CNOT11: variants seen among roughly 807,000 people sequenced by gnomAD.
The protein encoded by CNOT11 is CCR4-NOT transcription complex subunit 11.
CNOT11 carries 18 observed loss-of-function variants against 44.6 expected under a neutral mutation model. That is an observed-to-expected ratio of 0.40 (90% CI 0.28 to 0.60). The LOEUF is 0.60. Among genes scored for constraint, CNOT11 ranks in the 20% least tolerant of loss-of-function variants. The probability of loss-of-function intolerance (pLI) is 0.38; values close to 1 mark genes in which losing one functional copy is unlikely to be tolerated. For synonymous variants in CNOT11, 291 were observed against 270.9 expected, an observed-to-expected ratio of 1.07 and a Z score of -0.73; for missense variants, 513 against 677.0, an observed-to-expected ratio of 0.76 and a Z score of 2.69.
chr2:101,257,147 C>A (rs975648692), intron 1 of CNOT11, among the ~76,000 whole-genome samples: 4 of 151,958 alleles, frequency 2.6e-5, no homozygotes, highest in African/African-American at 9.7e-5. Flanking sequence ...AATCCCAGCA[C>A]TTTGGGAGGC....
At chr2:101,255,396 G>A (rs1681716289) in intron 1 of CNOT11, among the ~76,000 whole-genome samples, 1 of 152,154 alleles carries the variant, frequency 6.6e-6, no homozygotes, top group Non-Finnish European at 1.5e-5. Context: ...TTGGGAGGCT[G>A]AGGCAGGAGA....
chr2:101,253,498 G>C lies in CNOT11; in HGVS notation c.514+20G>C, dbSNP rs1477259382. ...TCTCAGGTACCTCCTGAAGCCAGCT[G>C]TGCCGTGTGGATAGCGTTAGATTCC... is the stretch of plus-strand genomic sequence containing the variant. On this transcript the variant is annotated intron_variant, in intron 1 of 6. Transcript: ENST00000289382. This position sits in a 1 kb window ranked among gnomAD's most constrained non-coding sequence, Gnocchi z 4.3. The C allele has an allele frequency of 2.8e-6, 4 of 1,431,126 alleles. No homozygotes were observed. In the East Asian group the frequency reaches 8.1e-5, roughly 29 times the overall value. The allele number at this position is 1,431,126 out of a possible 1,614,324, so 88.7% of individuals were successfully genotyped here. A position where few individuals can be genotyped will look rare whatever the true frequency, so the allele number is the denominator to read the frequency against.
At chr2:101,267,184 G>A (rs556602313) in intron 5 of CNOT11, among the ~76,000 whole-genome samples, 26 of 152,146 alleles carry the variant, frequency 1.7e-4, no homozygotes, top group African/African-American at 5.5e-4. Context: ...GTGCAGTGGC[G>A]TGATCTCAGC....
At chr2:101,254,583 C>G (rs889608272) in intron 1 of CNOT11, among the ~76,000 whole-genome samples, 1 of 152,046 alleles carries the variant, frequency 6.6e-6, no homozygotes, top group African/African-American at 2.4e-5. Context: ...GGTTTGTGGT[C>G]AAAACTCACC....
chr2:101,269,189 C>CGA lies in CNOT11; in HGVS notation c.1336-27_1336-26insGA. ...AATGGCTGCCAGGAAAATGAGCAGA[C>CGA]TAACATTTTTTTTTTTCCTTTTTCA... is the stretch of plus-strand genomic sequence containing the variant. On this transcript the variant is annotated intron_variant, in intron 6 of 6. Transcript: ENST00000289382. This position sits in a 1 kb window ranked among gnomAD's most constrained non-coding sequence, Gnocchi z 4.8. 1 of 1,603,144 alleles carries CGA rather than the reference C, an allele frequency of 6.2e-7. No individual in the cohort carries two copies. Among genetic ancestry groups the CGA allele is most frequent in the Non-Finnish European group, 8.5e-7 (1 of 1,173,308 alleles).
In CNOT11 at chr2:101,253,571, AC is replaced by A; in HGVS notation, c.514+94del. ...GGGAACTCACCTGAAAGGGAAATTA[AC>A]TATCCCTGTGAAATGATCATCCTCT... On this transcript the variant is annotated intron_variant, in intron 1 of 6. Transcript: ENST00000289382. This position sits in a 1 kb window ranked among gnomAD's most constrained non-coding sequence, Gnocchi z 4.3. 2 of 1,118,140 alleles carry A rather than the reference AC, an allele frequency of 1.8e-6. No individual in the cohort carries two copies. The highest frequency in any genetic ancestry group is 2.4e-6 in the Non-Finnish European group (2 of 834,544). The allele number at this position is 1,118,140 out of a possible 1,614,324, so 69.3% of individuals were successfully genotyped here. A position where few individuals can be genotyped will look rare whatever the true frequency, so the allele number is the denominator to read the frequency against.
intron 2 of CNOT11, among the ~76,000 whole-genome samples, chr2:101,261,596 C>T (rs1681863796): frequency 6.6e-6 from 1 of 152,168 alleles, no homozygotes; most frequent in African/African-American, 2.4e-5. Context: ...TCCAAAGTTG[C>T]TTTGCCATTT....
intron 2 of CNOT11, among the ~76,000 whole-genome samples, chr2:101,258,973 A>G (rs973788676): frequency 6.6e-6 from 1 of 152,076 alleles, no homozygotes; most frequent in Non-Finnish European, 1.5e-5. Flanking sequence ...GTCTCTGCAA[A>G]TAATTAAAAA....
chr2:101,252,908 GA>G lies in CNOT11; in HGVS notation c.-56del. ...AGCGCGCTTTACGGCCGCGGGGACG[GA>G]GCGAGCCGGCGCCAGGGCCCCTCGG... On this transcript the variant is annotated 5_prime_UTR_variant, in exon 1 of 7. Transcript: ENST00000289382. 1 of 1,379,198 alleles carries G rather than the reference GA, an allele frequency of 7.3e-7. No individual in the cohort carries two copies. The highest frequency in any genetic ancestry group is 3.8e-5 in the Admixed American group (1 of 26,494). The allele number at this position is 1,379,198 out of a possible 1,614,324, so 85.4% of individuals were successfully genotyped here.
At chr2:101,259,873 A>T (rs1159333146) in intron 2 of CNOT11, among the ~76,000 whole-genome samples, 2 of 152,198 alleles carry the variant, frequency 1.3e-5, no homozygotes, top group African/African-American at 4.8e-5. Flanking sequence ...CCCTGTCTCT[A>T]CAAAAGTAAT....
In CNOT11 at chr2:101,262,528, C is replaced by A. The variant is rs1439298301; in HGVS notation, c.680-11C>A. The A allele has an allele frequency of 1.2e-6, 2 of 1,613,420 alleles. No individual in the cohort carries two copies. The highest frequency in any genetic ancestry group is 2.2e-5 in the South Asian group (2 of 91,046). On this transcript the variant is annotated splice_polypyrimidine_tract_variant and intron_variant, in intron 2 of 6. Coordinates refer to ENST00000289382, the MANE Select transcript of CNOT11 (RefSeq NM_017546.5). ...TGATGTCCATAATTTTAAAATGTCTCCTATTTCCAGAACGCCAATCTGAAT... is the reference window on the plus strand; with the variant it reads ...TGATGTCCATAATTTTAAAATGTCTACTATTTCCAGAACGCCAATCTGAAT...
rs1250807873 is a variant in CNOT11, at chr2:101,269,712, CA to C, written c.*303del. The C allele has an allele frequency of 3.6e-5, 9 of 248,236 alleles. No homozygotes were observed. Among genetic ancestry groups the C allele is most frequent in the Non-Finnish European group, 6.9e-5 (9 of 130,654 alleles). 15.4% of individuals were successfully genotyped at this position (248,236 alleles called of 1,614,324 possible). On this transcript the variant is annotated 3_prime_UTR_variant, in exon 7 of 7. Coordinates refer to ENST00000289382, the MANE Select transcript of CNOT11 (RefSeq NM_017546.5). The surrounding 1 kb of genome is among the most constrained non-coding windows in gnomAD (Gnocchi z 4.8). ...TCTTTTTTTTTTAAGCACTAAAGAACAAAATGCATTTTTCATTAATACAGGC... is the reference window on the plus strand; with the variant it reads ...TCTTTTTTTTTTAAGCACTAAAGAACAAATGCATTTTTCATTAATACAGGC...
chr2:101,257,120 C>T lies in CNOT11; in HGVS notation c.515-671C>T, dbSNP rs534024588. On this transcript the variant is annotated intron_variant, in intron 1 of 6. Coordinates refer to ENST00000289382, the MANE Select transcript of CNOT11 (RefSeq NM_017546.5). Reference sequence around the variant, plus strand: ...GAGGAAAGAAACACCAGGCGGGGCACGGTGACTCATGCCTGTAATCCCAGC... The same window carrying T: ...GAGGAAAGAAACACCAGGCGGGGCATGGTGACTCATGCCTGTAATCCCAGC... 3.4e-4 allele frequency among the ~76,000 whole-genome samples: 51 copies of T among 150,954 alleles called. No individual in the cohort carries two copies. In the South Asian group the frequency reaches 0.01, roughly 31 times the overall value.
At chr2:101,263,080 G>T (rs1016266239) in intron 3 of CNOT11, among the ~76,000 whole-genome samples, 2 of 152,094 alleles carry the variant, frequency 1.3e-5, no homozygotes, top group African/African-American at 4.8e-5. Context: ...AATTAGCCGA[G>T]TGTAGTGGCA....
chr2:101,253,107 G>A lies in CNOT11; in HGVS notation c.143G>A (p.Gly48Glu). Reference sequence around the variant, plus strand: ...GGCAGAGGCGGAGCAAGCGGCCCCGGGTCCGGGAGCGGAGGCCCGGGGGGC... The same window carrying A: ...GGCAGAGGCGGAGCAAGCGGCCCCGAGTCCGGGAGCGGAGGCCCGGGGGGC... ...GGGRGGASGP[G>E]SGSGGPGGPA... Residue 48 changes from glycine to glutamate, a missense_variant, in exon 1 of 7, where the codon GGG becomes GAG. Around this residue, in one of 4 missense-constraint regions of CNOT11, gnomAD observed 259 missense variants for 265.7 expected, o/e 0.97. Transcript: ENST00000289382. The surrounding 1 kb of genome is among the most constrained non-coding windows in gnomAD (Gnocchi z 4.3). The A allele has an allele frequency of 6.6e-7, 1 of 1,520,548 alleles. No homozygotes were observed. The highest frequency in any genetic ancestry group is 8.8e-7 in the Non-Finnish European group (1 of 1,141,712). The allele number at this position is 1,520,548 out of a possible 1,614,324, so 94.2% of individuals were successfully genotyped here.
intron 1 of CNOT11, among the ~76,000 whole-genome samples, chr2:101,255,530 A>G (rs1017939309): frequency 6.6e-6 from 1 of 152,050 alleles, no homozygotes; most frequent in African/African-American, 2.4e-5. Context: ...GTTACCCACT[A>G]TTATACCATT....
In CNOT11 at chr2:101,253,483, C is replaced by T. The variant is rs746159750; in HGVS notation, c.514+5C>T. ...CCGACCGCCCTCCGCTCTCAGGTACCTCCTGAAGCCAGCTGTGCCGTGTGG... is the reference window on the plus strand; with the variant it reads ...CCGACCGCCCTCCGCTCTCAGGTACTTCCTGAAGCCAGCTGTGCCGTGTGG... On this transcript the variant is annotated splice_donor_5th_base_variant and intron_variant, in intron 1 of 6. Coordinates refer to ENST00000289382, the MANE Select transcript of CNOT11 (RefSeq NM_017546.5). The surrounding 1 kb of genome is among the most constrained non-coding windows in gnomAD (Gnocchi z 4.3). The T allele has an allele frequency of 2.0e-6, 3 of 1,464,208 alleles. No individual in the cohort carries two copies. The highest frequency in any genetic ancestry group is 1.8e-4 in the Middle Eastern group (1 of 5,622). The allele number at this position is 1,464,208 out of a possible 1,614,324, so 90.7% of individuals were successfully genotyped here. A position where few individuals can be genotyped will look rare whatever the true frequency, so the allele number is the denominator to read the frequency against.
intron 1 of CNOT11, 53 bp from the exon 2 acceptor site, chr2:101,257,738 G>C: frequency 6.7e-7 from 1 of 1,482,136 alleles, no homozygotes; most frequent in Non-Finnish European, 9.3e-7. Flanking sequence ...CCAGATTCAA[G>C]TTGATTTTTA....
intron 4 of CNOT11, among the ~76,000 whole-genome samples, chr2:101,266,171 G>T (rs1178579030): frequency 6.6e-6 from 1 of 152,210 alleles, no homozygotes; most frequent in Non-Finnish European, 1.5e-5. Context: ...AAGTTCTGCA[G>T]ACTGATGACT....
Sources: gnomAD v4.1 joint callset for allele counts (sites outside exome capture counted in the v4.1 genomes callset) on GRCh38, gnomAD v4.1.1 for gene constraint, gnomAD v4.1.1 regional missense constraint, Gnocchi (gnomAD v3.1) non-coding constraint, MANE v1.5 for transcripts, NCBI Gene and HGNC (gene_info 2026-07-23, HGNC 2026-07-21) for gene names.